The following ADD1 variants were observed in gnomAD, a reference collection of about 807,000 sequenced individuals.
The protein encoded by ADD1 is adducin 1.
Under a neutral mutation model 80.5 loss-of-function variants are expected in ADD1, and 24 were observed. That is an observed-to-expected ratio of 0.30 (90% CI 0.22 to 0.42). The LOEUF (loss-of-function observed/expected upper bound fraction) is 0.42, where lower values mean the gene tolerates loss of function less well. Ranked by LOEUF, ADD1 falls within the 10% of genes least tolerant of loss-of-function variation. The pLI is 1.00. For missense variants in ADD1, 948 were observed against 1,019.0 expected, an observed-to-expected ratio of 0.93 and a Z score of 0.95; for synonymous variants, 373 against 393.8, an observed-to-expected ratio of 0.95 and a Z score of 0.63.
intron 12 of ADD1, 118 bp from the exon 13 acceptor site, chr4:2,909,221 C>A (rs531803249): frequency 3.0e-4 from 250 of 830,512 alleles, no homozygotes; most frequent in Non-Finnish European, 4.6e-4. Context: ...ATCACTGCCA[C>A]ACTTACTGTT....
intron 1 of ADD1, among the ~76,000 whole-genome samples, chr4:2,849,851 T>G (rs1726797221): frequency 6.6e-6 from 1 of 152,052 alleles, no homozygotes. Context: ...TTGCTGAGGG[T>G]AGTTGAGTGG....
rs1323444994 is a variant in ADD1 at position 2,929,021 on chromosome 4, A to T, written c.*498A>T. The T allele has an allele frequency of 6.4e-6, 1 of 156,478 alleles. No individual in the cohort carries two copies. Among genetic ancestry groups the T allele is most frequent in the Non-Finnish European group, 1.4e-5 (1 of 71,318 alleles). 9.7% of individuals were successfully genotyped at this position (156,478 alleles called of 1,614,324 possible). On this transcript the variant is annotated 3_prime_UTR_variant, in exon 16 of 16. Transcript: ENST00000683351. ...TATACAAAGCCTTGGTCCCGTGAAA[A>T]CACTCGTGTGCCCACCAGCGGCCTT...
rs996943523 is a variant in ADD1 at position 2,844,035 on chromosome 4, C to T, written c.-21+11C>T. 6.7e-6 allele frequency: 1 copy of T among 150,322 alleles called. No homozygotes were observed. Among genetic ancestry groups the T allele is most frequent in the African/African-American group, 2.5e-5 (1 of 40,262 alleles). 9.3% of individuals were successfully genotyped at this position (150,322 alleles called of 1,614,324 possible). ...CGATTCGCTTCTGAGGTGAGGCTAG[C>T]TAGCGGGGGCGGCGGGGGCCCGGTT... On this transcript the variant is annotated intron_variant, in intron 1 of 15. Coordinates refer to ENST00000683351, the MANE Select transcript of ADD1 (RefSeq NM_001354761.2).
chr4:2,892,927 A>G (rs1734554241), intron 4 of ADD1, among the ~76,000 whole-genome samples: 1 of 150,932 alleles, frequency 6.6e-6, no homozygotes, highest in African/African-American at 2.4e-5. Flanking sequence ...TATTTTATTT[A>G]TTTTTTTGAG....
intron 13 of ADD1, among the ~76,000 whole-genome samples, chr4:2,914,381 C>T (rs1738621387): frequency 1.3e-5 from 2 of 152,222 alleles, no homozygotes; most frequent in South Asian, 4.1e-4. Context: ...GGGATAAGCT[C>T]CAGGAACTAG....
chr4:2,885,234 C>A (rs1004791978), intron 4 of ADD1, among the ~76,000 whole-genome samples: 1 of 152,118 alleles, frequency 6.6e-6, no homozygotes, highest in Non-Finnish European at 1.5e-5. Context: ...CATAGTCCCT[C>A]ATTTCAGCAA....
At chr4:2,909,707 C>T (rs758793583) in intron 13 of ADD1, among the ~76,000 whole-genome samples, 4 of 152,064 alleles carry the variant, frequency 2.6e-5, no homozygotes, top group Non-Finnish European at 2.9e-5. Context: ...CAGTTCCGCA[C>T]GGGACTTTGG....
chr4:2,854,015 C>T (rs559729089), intron 1 of ADD1, among the ~76,000 whole-genome samples: 2 of 152,264 alleles, frequency 1.3e-5, no homozygotes, highest in African/African-American at 4.8e-5. Flanking sequence ...TGTTTATAAA[C>T]ATTCCTTGTA....
chr4:2,864,170 T>C (rs748899866), intron 1 of ADD1, among the ~76,000 whole-genome samples: 11 of 152,100 alleles, frequency 7.2e-5, no homozygotes, highest in Non-Finnish European at 1.5e-4. Flanking sequence ...CCTAGCACTT[T>C]GGGAGGCCGA....
At chr4:2,860,462 C>A (rs776819955) in intron 1 of ADD1, among the ~76,000 whole-genome samples, 1 of 152,130 alleles carries the variant, frequency 6.6e-6, no homozygotes, top group Admixed American at 6.6e-5. Context: ...TTCAGTCGGA[C>A]GTCAGTTGTG....
Position 2,880,641 on chromosome 4 carries a change from T to A in ADD1, c.196-1257T>A, listed in dbSNP as rs374235140. On this transcript the variant is annotated intron_variant, in intron 2 of 15. Transcript: ENST00000683351. ...CAGGCGCCCACCACCACGCCTGGCT[T>A]ATTTTTTGTATTTTTAGTAGAGACG... Among the ~76,000 whole-genome samples the A allele has an allele frequency of 1.1e-3, 168 of 150,770 alleles. 1 individual carries two copies. Among genetic ancestry groups the A allele is most frequent in the Admixed American group, 3.6e-3 (55 of 15,138 alleles).
intron 1 of ADD1, among the ~76,000 whole-genome samples, chr4:2,850,663 GA>G (rs755460543): frequency 1.2e-4 from 19 of 152,194 alleles, no homozygotes; most frequent in Non-Finnish European, 2.8e-4. Flanking sequence ...CTGACCTCAT[GA>G]TCCGCCCGCC....
intron 2 of ADD1, among the ~76,000 whole-genome samples, chr4:2,880,361 G>T (rs1215016165): frequency 1.3e-5 from 2 of 150,110 alleles, no homozygotes; most frequent in Non-Finnish European, 3.0e-5. Flanking sequence ...AGCTCAAGCA[G>T]TGACAAACTA....
At chr4:2,908,872 T>G (rs1052755534) in intron 12 of ADD1, 3 of 517,100 alleles carry the variant, frequency 5.8e-6, no homozygotes, top group Non-Finnish European at 6.9e-6. Context: ...ACCACCAGCT[T>G]TGGGGCTCAG....
intron 6 of ADD1, among the ~76,000 whole-genome samples, chr4:2,896,504 C>T (rs1402012083): frequency 2.0e-5 from 3 of 152,044 alleles, no homozygotes; most frequent in Non-Finnish European, 4.4e-5. Flanking sequence ...CCACCACGTC[C>T]GACCTGATAT....
chr4:2,868,019 G>A (rs990131002), intron 1 of ADD1: 1 of 152,246 alleles, frequency 6.6e-6, no homozygotes, highest in African/African-American at 2.4e-5. Context: ...GGAGACACAG[G>A]AATAGAAATG....
chr4:2,848,944 C>A (rs1163585384), intron 1 of ADD1, among the ~76,000 whole-genome samples: 2 of 152,112 alleles, frequency 1.3e-5, no homozygotes, highest in African/African-American at 4.8e-5. Flanking sequence ...CCCTCCTGGC[C>A]CCAATTAATA....
chr4:2,926,543 C>G lies in ADD1; in HGVS notation c.2047+431C>G, dbSNP rs34060371. 54 of 1,323,726 alleles carry G rather than the reference C, an allele frequency of 4.1e-5. No homozygotes were observed. Among genetic ancestry groups the G allele is most frequent in the Non-Finnish European group, 5.7e-5 (53 of 935,528 alleles). 82.0% of individuals were successfully genotyped at this position (1,323,726 alleles called of 1,614,324 possible). The stretch of plus-strand genomic sequence containing the variant: ...GTACATCCATGTCTCTCGTGAAGCC[C>G]GTGGCCCTGCCTTTCTTCTTCTGTA... On this transcript the variant is annotated intron_variant, in intron 15 of 15. Coordinates refer to ENST00000683351, the MANE Select transcript of ADD1 (RefSeq NM_001354761.2). This position sits in a 1 kb window ranked among gnomAD's most constrained non-coding sequence, Gnocchi z 5.0.
At chr4:2,874,381 CG>C (rs1394652696) in intron 1 of ADD1, among the ~76,000 whole-genome samples, 1 of 151,800 alleles carries the variant, frequency 6.6e-6, no homozygotes, top group Non-Finnish European at 1.5e-5. Flanking sequence ...CCTAGGCGGG[CG>C]GATCACCTGA....
Sources: allele counts gnomAD v4.1 joint callset (sites outside exome capture counted in the v4.1 genomes callset), GRCh38; gene constraint gnomAD v4.1.1; non-coding constraint Gnocchi (gnomAD v3.1); transcripts MANE v1.5; gene names NCBI Gene and HGNC (gene_info 2026-07-23, HGNC 2026-07-21).